Variants in PITPNB observed in about 807,000 individuals in gnomAD.
The protein encoded by PITPNB is phosphatidylinositol transfer protein beta isoform.
A neutral mutation model predicts 45.9 loss-of-function variants in PITPNB; 16 were observed. The ratio of observed to expected loss-of-function variants is 0.35; its 90% CI spans 0.24 to 0.53. The LOEUF is 0.53. Ranked by LOEUF, PITPNB falls within the 20% of genes least tolerant of loss-of-function variation. PITPNB has a pLI of 0.93. For synonymous variants in PITPNB, 112 were observed against 108.9 expected (o/e 1.03, Z -0.18); for missense variants, 188 against 330.5 (o/e 0.57, Z 3.34).
At chr22:27,855,118 G>A (rs1230236204) in intron 10 of PITPNB, among the ~76,000 whole-genome samples, 179 bp from the exon 11 acceptor site, 7 of 152,238 alleles carry the variant, frequency 4.6e-5, no homozygotes, top group African/African-American at 1.7e-4. Context: ...CTTGCAAAAG[G>A]CTTTTCTTAG....
Position 27,858,446 on chromosome 22 carries a change from C to A in PITPNB, c.709G>T (p.Asp237Tyr). ...CTCCTAATGTCTTCCATCGTGAGATCGATCCACTTGTCAATCCAACAAAAA... is the reference window on the plus strand; with the variant it reads ...CTCCTAATGTCTTCCATCGTGAGATAGATCCACTTGTCAATCCAACAAAAA... ...QLFCWIDKWI[D>Y]LTMEDIRRME... Residue 237 changes from aspartate to tyrosine, a missense_variant, in exon 10 of 12, where the codon GAT (aspartate) becomes TAT (tyrosine). Transcript: ENST00000335272. 1 of 1,609,248 alleles carries A rather than the reference C, an allele frequency of 6.2e-7. No homozygotes were observed. The highest frequency in any genetic ancestry group is 8.5e-7 in the Non-Finnish European group (1 of 1,176,166).
chr22:27,880,920 T>C (rs1347158330), intron 7 of PITPNB, among the ~76,000 whole-genome samples: 1 of 152,172 alleles, frequency 6.6e-6, no homozygotes, highest in Non-Finnish European at 1.5e-5. Context: ...TGCACCCAGT[T>C]AATAAAATTT....
intron 7 of PITPNB, among the ~76,000 whole-genome samples, chr22:27,890,644 C>T (rs1473172143): frequency 1.3e-5 from 2 of 152,136 alleles, no homozygotes; most frequent in African/African-American, 4.8e-5. Context: ...GAAACCCTGT[C>T]TCTACTAAAA....
At chr22:27,915,317 ATTTC>A (rs903151527) in intron 1 of PITPNB, among the ~76,000 whole-genome samples, 3 of 151,928 alleles carry the variant, frequency 2.0e-5, no homozygotes, top group African/African-American at 2.4e-5. Context: ...TCAGCTTATA[ATTTC>A]TTTTTCTTTT....
At chr22:27,886,857 T>G (rs938918489) in intron 7 of PITPNB, among the ~76,000 whole-genome samples, 4 of 152,286 alleles carry the variant, frequency 2.6e-5, no homozygotes, top group Non-Finnish European at 4.4e-5. Flanking sequence ...AAGCAAGTAA[T>G]ATGAAAGAAA....
chr22:27,869,530 AC>A (rs1247177152), intron 8 of PITPNB, among the ~76,000 whole-genome samples: 1 of 152,072 alleles, frequency 6.6e-6, no homozygotes, highest in Non-Finnish European at 1.5e-5. Flanking sequence ...AACATATATA[AC>A]CACGAGGGGT....
At chr22:27,887,790 G>A (rs1484305570) in intron 7 of PITPNB, among the ~76,000 whole-genome samples, 4 of 152,180 alleles carry the variant, frequency 2.6e-5, no homozygotes, top group East Asian at 3.9e-4. Flanking sequence ...ATTCCCTCCC[G>A]TTAAGTGCAA....
intron 1 of PITPNB, among the ~76,000 whole-genome samples, chr22:27,916,636 A>C (rs1234850457): frequency 6.6e-6 from 1 of 152,168 alleles, no homozygotes; most frequent in East Asian, 1.9e-4. Context: ...CCCTGTCTCT[A>C]CTAAAAATAC....
At chr22:27,855,339 AG>A (rs1365382263) in intron 10 of PITPNB, among the ~76,000 whole-genome samples, 1 of 152,178 alleles carries the variant, frequency 6.6e-6, no homozygotes, top group Non-Finnish European at 1.5e-5. Context: ...TTCTGAGAAC[AG>A]GGTCTCTCAG....
chr22:27,870,816 T>TA (rs1186578631), intron 8 of PITPNB, among the ~76,000 whole-genome samples: 2 of 152,244 alleles, frequency 1.3e-5, no homozygotes, highest in Admixed American at 1.3e-4. Flanking sequence ...GCTATCTTCT[T>TA]ACGCTTTATT....
chr22:27,852,784 T>C lies in PITPNB; in HGVS notation c.*918A>G, dbSNP rs1934058505. The C allele has an allele frequency of 6.6e-6, 1 of 152,670 alleles. No individual in the cohort carries two copies. 9.5% of individuals were successfully genotyped at this position (152,670 alleles called of 1,614,324 possible). On this transcript the variant is annotated 3_prime_UTR_variant, in exon 12 of 12. Transcript: ENST00000335272. Reference sequence around the variant, plus strand: ...TGAAGTGCTATATTTCCAACTTTTCTACACAGCCTACAATCCTATTAAGAC... The same window carrying C: ...TGAAGTGCTATATTTCCAACTTTTCCACACAGCCTACAATCCTATTAAGAC...
intron 3 of PITPNB, among the ~76,000 whole-genome samples, chr22:27,902,938 C>T (rs1281209986): frequency 2.6e-5 from 4 of 151,998 alleles, no homozygotes; most frequent in African/African-American, 7.3e-5. Flanking sequence ...GCTATATTGC[C>T]CGGGCTGGTC....
chr22:27,890,369 T>A (rs1438523346), intron 7 of PITPNB, among the ~76,000 whole-genome samples: 2 of 151,038 alleles, frequency 1.3e-5, no homozygotes, highest in Admixed American at 6.6e-5. Flanking sequence ...TTTTTTTTTT[T>A]ACATCAAAAG....
chr22:27,885,212 T>TTAAA (rs1569019261), intron 7 of PITPNB, among the ~76,000 whole-genome samples: 5 of 30,234 alleles, frequency 1.7e-4, no homozygotes, highest in East Asian at 2.4e-3. Flanking sequence ...AATTTATACC[T>TTAAA]AAAAAAAAAA....
At chr22:27,866,594 T>C (rs1378172049) in intron 8 of PITPNB, among the ~76,000 whole-genome samples, 1 of 152,200 alleles carries the variant, frequency 6.6e-6, no homozygotes, top group East Asian at 1.9e-4. Flanking sequence ...TTTCTAAAAA[T>C]ACAGTCCCTT....
rs763552408 is a variant in PITPNB at position 27,919,222 on chromosome 22, A to G, written c.-31T>C. 6.3e-7 allele frequency: 1 copy of G among 1,591,638 alleles called. No homozygotes were observed. The highest frequency in any genetic ancestry group is 1.7e-5 in the Admixed American group (1 of 59,966). ...CGGAACCCCCTCACAGCTGCCGCCG[A>G]TACCACCGCCGCCGCCGCCGCTACC... is the stretch of plus-strand genomic sequence containing the variant. On this transcript the variant is annotated 5_prime_UTR_variant, in exon 1 of 12. Coordinates refer to ENST00000335272, the MANE Select transcript of PITPNB (RefSeq NM_012399.5).
At chr22:27,902,639 A>C (rs1935634964) in intron 3 of PITPNB, among the ~76,000 whole-genome samples, 1 of 152,256 alleles carries the variant, frequency 6.6e-6, no homozygotes, top group South Asian at 2.1e-4. Flanking sequence ...TGGATTGGGC[A>C]ATGATTTCTT....
chr22:27,894,275 A>T, intron 7 of PITPNB: 1 of 259,888 alleles, frequency 3.8e-6, no homozygotes, highest in Middle Eastern at 1.1e-3. Context: ...TTGTTTTTCA[A>T]TGAAAACAAC....
intron 7 of PITPNB, among the ~76,000 whole-genome samples, chr22:27,883,629 A>G (rs1434597480): frequency 6.6e-6 from 1 of 152,252 alleles, no homozygotes; most frequent in Non-Finnish European, 1.5e-5. Context: ...CTTGAATGCA[A>G]AGGGACTCAG....
Sources: allele counts gnomAD v4.1 joint callset (sites outside exome capture counted in the v4.1 genomes callset), GRCh38; gene constraint gnomAD v4.1.1; transcripts MANE v1.5; gene names NCBI Gene and HGNC (gene_info 2026-07-23, HGNC 2026-07-21).